The following DTX2 variants were observed in gnomAD, a reference collection of about 807,000 sequenced individuals.
DTX2 encodes the protein deltex E3 ubiquitin ligase 2, also known as probable E3 ubiquitin-protein ligase DTX2.
Under a neutral mutation model 55.3 loss-of-function variants are expected in DTX2, and 29 were observed. The ratio of observed to expected loss-of-function variants is 0.52; its 90% CI spans 0.39 to 0.71. The LOEUF (loss-of-function observed/expected upper bound fraction) is 0.71. Among genes scored for constraint, DTX2 ranks in the 30% least tolerant of loss-of-function variants. The probability of loss-of-function intolerance (pLI) is 0.00; values close to 1 mark genes in which losing one functional copy is unlikely to be tolerated. For missense variants in DTX2, 537 were observed against 822.5 expected (o/e 0.65, Z 4.25); for synonymous variants, 276 against 340.4 (o/e 0.81, Z 2.08).
chr7:76,480,411 C>T lies in DTX2; in HGVS notation c.-89-10C>T, dbSNP rs1809042661. 2.3e-6 allele frequency: 3 copies of T among 1,315,854 alleles called. No homozygotes were observed. The highest frequency in any genetic ancestry group is 2.5e-5 in the East Asian group (1 of 40,652). The allele number at this position is 1,315,854 out of a possible 1,614,324, so 81.5% of individuals were successfully genotyped here. ...GCATTGGTAACTGCTCATGTCTGTC[C>T]TGTTCACAGATCTGCCGGAGGCGCT... On this transcript the variant is annotated splice_polypyrimidine_tract_variant and intron_variant, in intron 2 of 10. Coordinates refer to ENST00000430490, the MANE Select transcript of DTX2 (RefSeq NM_001102594.3).
At position 76,505,790 on chromosome 7, in the gene DTX2, C is replaced by G. The variant is rs1208840898; in HGVS notation, c.*189C>G. On this transcript the variant is annotated 3_prime_UTR_variant, in exon 11 of 11. Transcript: ENST00000430490. This position sits in a 1 kb window ranked among gnomAD's most constrained non-coding sequence, Gnocchi z 4.4. ...CCTCCCCTCTGGGAATTGGGCAGCCCTGGGCAGTTGTACTCATGGGGGCTT... is the reference window on the plus strand; with the variant it reads ...CCTCCCCTCTGGGAATTGGGCAGCCGTGGGCAGTTGTACTCATGGGGGCTT... The G allele has an allele frequency of 1.4e-5, 9 of 661,612 alleles. No homozygotes were observed. Among genetic ancestry groups the G allele is most frequent in the African/African-American group, 1.8e-5 (1 of 55,100 alleles). The allele number at this position is 661,612 out of a possible 1,614,324, so 41.0% of individuals were successfully genotyped here.
At chr7:76,499,527 G>C (rs556896762) in intron 6 of DTX2, among the ~76,000 whole-genome samples, 1 of 151,612 alleles carries the variant, frequency 6.6e-6, no homozygotes, top group South Asian at 2.1e-4. Flanking sequence ...TCTGGTCCTG[G>C]AGTCTGGGAC....
rs989439629 is a variant in DTX2 at position 76,480,683 on chromosome 7, C to G, written c.174C>G (p.Ser58Arg). ...QQKGQRFGLG[S>R]LAHSIPLGQA... is the part of the protein sequence containing the mutation. ...AGGGCCAACGTTTTGGGCTTGGGAG[C>G]CTGGCCCACAGCATCCCCTTGGGCC... The change falls in exon 3 of 11, where the codon AGC (serine) becomes AGG (arginine). Residue 58 changes from serine to arginine, a missense_variant. Around this residue, in one of 7 missense-constraint regions of DTX2, gnomAD observed 301 missense variants for 396.6 expected, o/e 0.76. Coordinates refer to ENST00000430490, the MANE Select transcript of DTX2 (RefSeq NM_001102594.3). 2.5e-6 allele frequency: 4 copies of G among 1,613,556 alleles called. No homozygotes were observed. The African/African-American group carries it at 5.3e-5, about 22-fold the overall frequency.
At position 76,471,184 on chromosome 7, in the gene DTX2, C is replaced by T. The variant is rs1362418949; in HGVS notation, c.-90+7475C>T. 52 of 482,582 alleles carry T rather than the reference C, an allele frequency of 1.1e-4. No homozygotes were observed. In the African/African-American group the frequency reaches 1.2e-3, roughly 11 times the overall value. 29.9% of individuals were successfully genotyped at this position (482,582 alleles called of 1,614,324 possible). A position where few individuals can be genotyped will look rare whatever the true frequency, so the allele number is the denominator to read the frequency against. ...TTTTTTTTTTTTTTTTTTTTTGAGA[C>T]GGAGTCTTGCTCTGTCGCCCAGGCT... On this transcript the variant is annotated intron_variant, in intron 2 of 10. Coordinates refer to ENST00000430490, the MANE Select transcript of DTX2 (RefSeq NM_001102594.3).
rs368500347 is a variant in DTX2 at position 76,482,867 on chromosome 7, G to A, written c.628G>A (p.Val210Met). The A allele has an allele frequency of 4.4e-5, 71 of 1,613,628 alleles. No individual in the cohort carries two copies. Among genetic ancestry groups the A allele is most frequent in the African/African-American group, 1.1e-4 (8 of 74,890 alleles). The change falls in exon 4 of 11, where the codon GTG becomes ATG. Residue 210 changes from valine to methionine, a missense_variant. Around this residue, in one of 7 missense-constraint regions of DTX2, gnomAD observed 301 missense variants for 396.6 expected, o/e 0.76. Transcript: ENST00000430490. The stretch of plus-strand genomic sequence containing the variant: ...CCTCAGTGGCAGCAGAACTGGCCCC[G>A]TGTCAGGCCGCTACCGCCACTCCAT... ...QCLSGSRTGP[V>M]SGRYRHSMTN... is the part of the protein sequence containing the mutation.
intron 2 of DTX2, among the ~76,000 whole-genome samples, chr7:76,473,037 C>G (rs1808131458): frequency 6.6e-6 from 1 of 151,932 alleles, no homozygotes; most frequent in Non-Finnish European, 1.5e-5. Context: ...CTCTGTGTTG[C>G]CCAGGCTGGT....
At chr7:76,503,341 G>C in intron 8 of DTX2, 85 bp from the exon 9 acceptor site, 1 of 1,467,642 alleles carries the variant, frequency 6.8e-7, no homozygotes, top group Non-Finnish European at 9.1e-7. Flanking sequence ...CCCATTCCCG[G>C]GGCCCTTTAC....
In DTX2 at chr7:76,464,859, A is replaced by G. The variant is rs143281708; in HGVS notation, c.-90+1150A>G. On this transcript the variant is annotated intron_variant, in intron 2 of 10. Coordinates refer to ENST00000430490, the MANE Select transcript of DTX2 (RefSeq NM_001102594.3). ...AGTTGCTTATAGTCTAGTTGAAGAGATAAAGTGAACATAGAGAACTGAAAA... is the reference window on the plus strand; with the variant it reads ...AGTTGCTTATAGTCTAGTTGAAGAGGTAAAGTGAACATAGAGAACTGAAAA... Among the ~76,000 whole-genome samples the G allele has an allele frequency of 6.1e-3, 918 of 151,260 alleles. 38 individuals are homozygous for G. The highest frequency in any genetic ancestry group is 0.022 in the African/African-American group (882 of 40,580).
intron 2 of DTX2, among the ~76,000 whole-genome samples, chr7:76,471,441 G>T (rs1348234796): frequency 2.7e-4 from 41 of 150,948 alleles, no homozygotes; most frequent in African/African-American, 1.0e-3. Context: ...GATTACAGGT[G>T]TGAGCCACCG....
At chr7:76,481,750 C>A (rs1244218940) in intron 3 of DTX2, among the ~76,000 whole-genome samples, 2 of 151,748 alleles carry the variant, frequency 1.3e-5, no homozygotes, top group East Asian at 3.9e-4. Context: ...TATTGGCCCA[C>A]AGTGTCACCA....
At chr7:76,500,886 G>GC (rs759313120) in intron 7 of DTX2, among the ~76,000 whole-genome samples, 7 of 152,090 alleles carry the variant, frequency 4.6e-5, no homozygotes, top group Non-Finnish European at 1.0e-4. Flanking sequence ...TGGCTGTCCT[G>GC]CCCCCCGGCT....
At chr7:76,501,928 A>G (rs367986216) in intron 7 of DTX2, 1 of 246,348 alleles carries the variant, frequency 4.1e-6, no homozygotes, top group Non-Finnish European at 7.5e-6. Context: ...TCGCTCTGTC[A>G]CCCAGGCTGG....
chr7:76,492,464 CG>C (rs1243202951), intron 5 of DTX2, among the ~76,000 whole-genome samples: 2 of 125,044 alleles, frequency 1.6e-5, no homozygotes, highest in Non-Finnish European at 3.3e-5. Flanking sequence ...GGCCTGATGA[CG>C]GTGGGCGCTC....
rs564447466 is a variant in DTX2 at position 76,471,188 on chromosome 7, G to A, written c.-90+7479G>A. 1,177 of 551,152 alleles carry A rather than the reference G, an allele frequency of 2.1e-3. 20 individuals are homozygous for A. Among genetic ancestry groups the A allele is most frequent in the South Asian group, 0.02 (1,156 of 57,104 alleles). 34.1% of individuals were successfully genotyped at this position (551,152 alleles called of 1,614,324 possible). ...TTTTTTTTTTTTTTTTTGAGACGGA[G>A]TCTTGCTCTGTCGCCCAGGCTGGAG... On this transcript the variant is annotated intron_variant, in intron 2 of 10. Transcript: ENST00000430490.
chr7:76,504,190 C>T (rs1421070017), intron 9 of DTX2, among the ~76,000 whole-genome samples, 166 bp from the exon 10 acceptor site: 811 of 113,782 alleles, frequency 7.1e-3, no homozygotes, highest in African/African-American at 0.028. Context: ...CTTGTTGAAC[C>T]ATGAGCCTTT....
chr7:76,486,636 A>G (rs1329924932), intron 4 of DTX2, among the ~76,000 whole-genome samples: 3 of 119,338 alleles, frequency 2.5e-5, no homozygotes, highest in African/African-American at 6.4e-5. Flanking sequence ...TTGGATGGAA[A>G]TCTTTCCTAA....
rs1319875716 is a variant in DTX2 at position 76,473,983 on chromosome 7, G to A, written c.-89-6438G>A. ...ATTGCCCAGGCTGGAGTGCAATGGCGCGATCTCGGCTCACTGCAACCTCCA... is the reference window on the plus strand; with the variant it reads ...ATTGCCCAGGCTGGAGTGCAATGGCACGATCTCGGCTCACTGCAACCTCCA... On this transcript the variant is annotated intron_variant, in intron 2 of 10. Coordinates refer to ENST00000430490, the MANE Select transcript of DTX2 (RefSeq NM_001102594.3). Among the ~76,000 whole-genome samples, 30 of 125,018 alleles carry A rather than the reference G, an allele frequency of 2.4e-4. 1 individual carries two copies. The highest frequency in any genetic ancestry group is 2.2e-3 in the Admixed American group (25 of 11,508). The allele number at this position is 125,018 out of a possible 152,430, so 82.0% of individuals were successfully genotyped here.
chr7:76,491,326 G>T, intron 4 of DTX2, among the ~76,000 whole-genome samples: 2 of 132,550 alleles, frequency 1.5e-5, no homozygotes, highest in African/African-American at 5.9e-5. Context: ...ACGGAGTCTT[G>T]CTCTGTTGTC....
chr7:76,468,481 T>C (rs1807448971), intron 2 of DTX2, among the ~76,000 whole-genome samples: 1 of 69,360 alleles, frequency 1.4e-5, no homozygotes, highest in Non-Finnish European at 2.7e-5. Context: ...TTTTTTGAGA[T>C]GGAGTCTCAC....
Sources: gnomAD v4.1 joint callset for allele counts (sites outside exome capture counted in the v4.1 genomes callset) on GRCh38, gnomAD v4.1.1 for gene constraint, gnomAD v4.1.1 regional missense constraint, Gnocchi (gnomAD v3.1) non-coding constraint, MANE v1.5 for transcripts, NCBI Gene and HGNC (gene_info 2026-07-23, HGNC 2026-07-21) for gene names.